AXDND1: variants seen among roughly 807,000 people sequenced by gnomAD.
AXDND1 encodes the protein axonemal dynein light chain domain-containing protein 1.
A neutral mutation model predicts 137.5 loss-of-function variants in AXDND1; 110 were observed. The observed-to-expected ratio is 0.80, with a 90% CI of 0.69 to 0.94. AXDND1 has a LOEUF of 0.94. Among genes scored for constraint, AXDND1 ranks in the 40% least tolerant of loss-of-function variants. AXDND1 has a pLI of 0.00. For missense variants in AXDND1, 1,191 were observed against 1,169.8 expected (o/e 1.02, Z -0.26); for synonymous variants, 414 against 399.7 (o/e 1.04, Z -0.43).
intron 6 of AXDND1, 48 bp from the exon 7 acceptor site, chr1:179,382,652 G>T (rs563882921): frequency 7.1e-6 from 10 of 1,399,398 alleles, no homozygotes; most frequent in Admixed American, 3.5e-5. Context: ...TGATAAACAG[G>T]CCAGAAAATT....
chr1:179,516,883 G>C (rs1558293415), intron 21 of AXDND1, among the ~76,000 whole-genome samples: 1 of 152,194 alleles, frequency 6.6e-6, no homozygotes, highest in Non-Finnish European at 1.5e-5. Flanking sequence ...CAGTTCGTGA[G>C]GGTTCTTAGC....
intron 18 of AXDND1, among the ~76,000 whole-genome samples, chr1:179,487,122 A>G (rs895082918): frequency 2.0e-5 from 3 of 148,794 alleles, no homozygotes; most frequent in Non-Finnish European, 3.0e-5. Context: ...GGATGGAGAA[A>G]AATCTACCAA....
intron 25 of AXDND1, chr1:179,551,098 G>A (rs1673182737): frequency 1.3e-6 from 2 of 1,587,522 alleles, no homozygotes; most frequent in Non-Finnish European, 1.7e-6. Flanking sequence ...CAGGGAATGA[G>A]GACAGAGTGT....
At chr1:179,525,496 CAT>C in intron 22 of AXDND1, 49 bp downstream of exon 22, 3 of 1,511,518 alleles carry the variant, frequency 2.0e-6, no homozygotes, top group Non-Finnish European at 2.7e-6. Flanking sequence ...TACATACATA[CAT>C]ACATACATAT....
intron 9 of AXDND1, among the ~76,000 whole-genome samples, chr1:179,388,627 G>C (rs1033427365): frequency 6.6e-6 from 1 of 151,784 alleles, no homozygotes; most frequent in African/African-American, 2.4e-5. Context: ...TCTCGCTGTG[G>C]CCCAGGCTGC....
intron 4 of AXDND1, among the ~76,000 whole-genome samples, chr1:179,372,231 C>T (rs143410309): frequency 5.9e-4 from 90 of 152,248 alleles, no homozygotes; most frequent in Middle Eastern, 6.8e-3. Flanking sequence ...TATTTTTCGA[C>T]AACTCTTTCA....
intron 21 of AXDND1, among the ~76,000 whole-genome samples, chr1:179,513,391 T>C (rs1175551515): frequency 1.3e-5 from 2 of 152,202 alleles, no homozygotes; most frequent in African/African-American, 4.8e-5. Context: ...TGTTAAACCA[T>C]CCCTGCATCC....
chr1:179,386,554 G>C (rs764087718), intron 9 of AXDND1, among the ~76,000 whole-genome samples: 2 of 152,042 alleles, frequency 1.3e-5, no homozygotes, highest in Admixed American at 1.3e-4. Context: ...GTTTACACAT[G>C]TATTAGGCCA....
intron 17 of AXDND1, among the ~76,000 whole-genome samples, chr1:179,469,012 C>G (rs998517323): frequency 2.0e-5 from 3 of 152,090 alleles, no homozygotes; most frequent in Admixed American, 6.6e-5. Context: ...TCACTGCAAC[C>G]TCTACCTCCC....
In AXDND1 at chr1:179,474,781, GTGTAAGTAA is replaced by G. The variant is rs545160334; in HGVS notation, c.1997+6143_1997+6151del. 6.3e-3 allele frequency among the ~76,000 whole-genome samples: 962 copies of G among 152,346 alleles called. 9 individuals carry two copies. The highest frequency in any genetic ancestry group is 0.021 in the African/African-American group (870 of 41,574). ...GAAATAAAGACAGCTGCAGAAATTT[GTGTAAGTAA>G]TGAGAAACTGAGTGTTCATAGCCAA... is the stretch of plus-strand genomic sequence containing the variant. On this transcript the variant is annotated intron_variant, in intron 17 of 25. Transcript: ENST00000367618.
At chr1:179,420,814 T>G (rs1037213468) in intron 12 of AXDND1, among the ~76,000 whole-genome samples, 1 of 151,916 alleles carries the variant, frequency 6.6e-6, no homozygotes, top group Non-Finnish European at 1.5e-5. Flanking sequence ...GTAGAGACGG[T>G]TTCACCATGT....
At chr1:179,432,085 T>C (rs1415467416) in intron 14 of AXDND1, among the ~76,000 whole-genome samples, 182 bp from the exon 15 acceptor site, 1 of 152,180 alleles carries the variant, frequency 6.6e-6, no homozygotes, top group African/African-American at 2.4e-5. Flanking sequence ...CTGAATAGAA[T>C]CTGAATTTAT....
At chr1:179,502,931 A>G (rs939972774) in intron 20 of AXDND1, among the ~76,000 whole-genome samples, 5 of 151,950 alleles carry the variant, frequency 3.3e-5, no homozygotes, top group Admixed American at 6.6e-5. Flanking sequence ...CCCCGTCTCT[A>G]CTGAAAATAC....
intron 20 of AXDND1, among the ~76,000 whole-genome samples, chr1:179,501,496 G>A (rs1332838318): frequency 2.6e-5 from 4 of 152,122 alleles, no homozygotes; most frequent in African/African-American, 7.2e-5. Flanking sequence ...TGGATCATGA[G>A]GTCAGGAGAT....
At chr1:179,386,119 TCGGCTCACTGCAACTTCTG>T (rs1649177885) in intron 9 of AXDND1, among the ~76,000 whole-genome samples, 2 of 145,816 alleles carry the variant, frequency 1.4e-5, no homozygotes, top group African/African-American at 5.1e-5. Flanking sequence ...TGGCGCGATC[TCGGCTCACTGCAACTTCTG>T]CCTCCAAGGT....
In AXDND1 at chr1:179,533,801, T is replaced by C. The variant is rs753407900; in HGVS notation, c.2722T>C (p.Ser908Pro). The change falls in exon 24 of 26, where the codon TCA becomes CCA. Residue 908 changes from serine to proline, a missense_variant. Transcript: ENST00000367618. Reference sequence around the variant, plus strand: ...CTCATATTTCCTCTGTCAGAGAGAGTCAGCTAAGCAAGGTACATTGGCCCA... The same window carrying C: ...CTCATATTTCCTCTGTCAGAGAGAGCCAGCTAAGCAAGGTACATTGGCCCA... ...ETDVLSSWRE[S>P]AKQGTLAQKY... 6.2e-7 allele frequency: 1 copy of C among 1,610,686 alleles called. No individual in the cohort carries two copies. The highest frequency in any genetic ancestry group is 8.5e-7 in the Non-Finnish European group (1 of 1,177,288).
chr1:179,419,504 C>G (rs1385780428), intron 12 of AXDND1, among the ~76,000 whole-genome samples: 6 of 149,846 alleles, frequency 4.0e-5, no homozygotes, highest in Non-Finnish European at 7.4e-5. Flanking sequence ...ATCGCAGGCA[C>G]TCGGCAGGCT....
chr1:179,427,056 C>G (rs988403184), intron 12 of AXDND1, among the ~76,000 whole-genome samples: 1 of 151,926 alleles, frequency 6.6e-6, no homozygotes, highest in Non-Finnish European at 1.5e-5. Flanking sequence ...CCCAGCTACT[C>G]GGGAGGCTGA....
chr1:179,418,001 ATTTT>A (rs1654965441), intron 12 of AXDND1, among the ~76,000 whole-genome samples: 2 of 148,044 alleles, frequency 1.4e-5, no homozygotes, highest in South Asian at 2.1e-4. Context: ...TTATTTATTT[ATTTT>A]TTTATTGATC....
Sources: gnomAD v4.1 joint callset for allele counts (sites outside exome capture counted in the v4.1 genomes callset) on GRCh38, gnomAD v4.1.1 for gene constraint, MANE v1.5 for transcripts, NCBI Gene and HGNC (gene_info 2026-07-23, HGNC 2026-07-21) for gene names.